The following KSR2 variants were observed in gnomAD, a reference collection of about 807,000 sequenced individuals.
KSR2 encodes the protein kinase suppressor of ras 2.
KSR2 carries 25 observed loss-of-function variants against 107.8 expected under a neutral mutation model. That is an observed-to-expected ratio of 0.23 (90% CI 0.17 to 0.32). The LOEUF is 0.32. Ranked by LOEUF, KSR2 falls within the 10% of genes least tolerant of loss-of-function variation. KSR2 has a pLI of 1.00. For synonymous variants in KSR2, 480 were observed against 507.0 expected, an observed-to-expected ratio of 0.95 and a Z score of 0.71; for missense variants, 887 against 1,268.9, an observed-to-expected ratio of 0.70 and a Z score of 4.57.
chr12:117,556,543 G>A (rs871257), intron 8 of KSR2, among the ~76,000 whole-genome samples: 42,734 of 152,108 alleles, frequency 0.28, 6,264 homozygotes, highest in African/African-American at 0.36. Flanking sequence ...GAGATAAACA[G>A]TGCAACGATC....
At chr12:117,777,379 A>G (rs1392816686) in intron 3 of KSR2, among the ~76,000 whole-genome samples, 1 of 152,062 alleles carries the variant, frequency 6.6e-6, no homozygotes, top group Non-Finnish European at 1.5e-5. Context: ...ACCCACACAA[A>G]GTACAAACAA....
chr12:117,861,143 C>T (rs1180768045), intron 1 of KSR2, among the ~76,000 whole-genome samples: 1 of 152,164 alleles, frequency 6.6e-6, no homozygotes, highest in East Asian at 1.9e-4. Context: ...CAAAGGACTG[C>T]AAACATTCTG....
intron 4 of KSR2, among the ~76,000 whole-genome samples, chr12:117,743,169 A>G (rs990411992): frequency 6.6e-6 from 1 of 152,222 alleles, no homozygotes; most frequent in Non-Finnish European, 1.5e-5. Flanking sequence ...AACTAAACAC[A>G]AAAATAAGCC....
chr12:117,768,198 A>T (rs1889314036), intron 3 of KSR2, among the ~76,000 whole-genome samples: 1 of 152,210 alleles, frequency 6.6e-6, no homozygotes, highest in Non-Finnish European at 1.5e-5. Flanking sequence ...CATGCCGAGG[A>T]AGGGCTGGCT....
intron 7 of KSR2, among the ~76,000 whole-genome samples, chr12:117,561,259 T>G (rs1878099487): frequency 6.6e-6 from 1 of 152,226 alleles, no homozygotes; most frequent in Admixed American, 6.5e-5. Context: ...AAAGAGGACA[T>G]AGCTCTTGGC....
intron 5 of KSR2, among the ~76,000 whole-genome samples, chr12:117,649,557 T>G (rs1473976527): frequency 7.2e-5 from 11 of 152,214 alleles, no homozygotes; most frequent in Admixed American, 7.2e-4. Flanking sequence ...AGGGATATGA[T>G]GCCCAGTTTT....
intron 5 of KSR2, among the ~76,000 whole-genome samples, chr12:117,635,973 G>A (rs1036899187): frequency 5.9e-5 from 9 of 152,120 alleles, no homozygotes. Context: ...TGTATTTTTA[G>A]TAGAGATAGG....
chr12:117,631,220 G>T (rs935151205), intron 5 of KSR2, among the ~76,000 whole-genome samples: 4 of 152,166 alleles, frequency 2.6e-5, no homozygotes, highest in Admixed American at 2.6e-4. Flanking sequence ...AGGATCACTT[G>T]AGCCCAGGTG....
chr12:117,948,986 C>T (rs1170929326), intron 1 of KSR2, among the ~76,000 whole-genome samples: 1 of 151,942 alleles, frequency 6.6e-6, no homozygotes, highest in Admixed American at 6.6e-5. Flanking sequence ...CCCAGCTACT[C>T]GGGAGGCTGA....
Position 117,632,608 on chromosome 12 carries a change from G to A in KSR2, c.1171+34866C>T, listed in dbSNP as rs142100040. 3.9e-3 allele frequency among the ~76,000 whole-genome samples: 591 copies of A among 152,094 alleles called. 1 individual carries two copies. Among genetic ancestry groups the A allele is most frequent in the Non-Finnish European group, 6.4e-3 (434 of 67,998 alleles). On this transcript the variant is annotated intron_variant, in intron 5 of 19. Coordinates refer to ENST00000339824, the MANE Select transcript of KSR2 (RefSeq NM_173598.6). ...ATACAGGTAAATTGCGTGTCATGGG[G>A]GTTTGGTGTACAGATTATTTCATCA... is the stretch of plus-strand genomic sequence containing the variant.
intron 3 of KSR2, among the ~76,000 whole-genome samples, chr12:117,835,982 C>A (rs374003597): frequency 1.3e-5 from 2 of 152,162 alleles, no homozygotes; most frequent in African/African-American, 2.4e-5. Flanking sequence ...TAGGAAGTAC[C>A]CTCCGTAAAC....
intron 5 of KSR2, among the ~76,000 whole-genome samples, chr12:117,660,049 T>C (rs752481483): frequency 6.6e-5 from 10 of 152,290 alleles, no homozygotes; most frequent in Non-Finnish European, 1.3e-4. Flanking sequence ...CCTTTTCAGG[T>C]ACTTCTCAGA....
chr12:117,916,083 G>A (rs1274201069), intron 1 of KSR2, among the ~76,000 whole-genome samples: 1 of 150,958 alleles, frequency 6.6e-6, no homozygotes, highest in Non-Finnish European at 1.5e-5. Context: ...ATTCTTGGGG[G>A]TCTAAAAGTT....
At chr12:117,588,566 G>T (rs1411323324) in intron 5 of KSR2, among the ~76,000 whole-genome samples, 1 of 152,196 alleles carries the variant, frequency 6.6e-6, no homozygotes, top group East Asian at 1.9e-4. Flanking sequence ...TGGACCGATA[G>T]TCAAGTCCTG....
chr12:117,745,882 A>C (rs539728959), intron 4 of KSR2, among the ~76,000 whole-genome samples: 6 of 152,288 alleles, frequency 3.9e-5, no homozygotes, highest in African/African-American at 1.4e-4. Context: ...AAGGGATGTG[A>C]AGGACCTCTT....
intron 1 of KSR2, among the ~76,000 whole-genome samples, chr12:117,954,211 C>T (rs186615015): frequency 4.5e-4 from 69 of 152,278 alleles, no homozygotes; most frequent in African/African-American, 1.4e-3. Context: ...GGACACTGGG[C>T]AAAGATGGGG....
chr12:117,916,533 G>A (rs1895181074), intron 1 of KSR2, among the ~76,000 whole-genome samples: 1 of 152,164 alleles, frequency 6.6e-6, no homozygotes, highest in Admixed American at 6.5e-5. Context: ...AAGCAATACT[G>A]CCTGGTAATT....
intron 16 of KSR2, among the ~76,000 whole-genome samples, chr12:117,481,825 C>T (rs1872193454): frequency 6.6e-6 from 1 of 152,124 alleles, no homozygotes; most frequent in Non-Finnish European, 1.5e-5. Context: ...GCCATAGATG[C>T]CCCTTATTCA....
At chr12:117,535,044 G>T (rs1222122914) in intron 10 of KSR2, among the ~76,000 whole-genome samples, 2 of 152,150 alleles carry the variant, frequency 1.3e-5, no homozygotes, top group Non-Finnish European at 2.9e-5. Context: ...CAAAGTATGT[G>T]GTCATTTGTT....
Sources: allele counts gnomAD v4.1 joint callset (sites outside exome capture counted in the v4.1 genomes callset), GRCh38; gene constraint gnomAD v4.1.1; transcripts MANE v1.5; gene names NCBI Gene and HGNC (gene_info 2026-07-23, HGNC 2026-07-21).